HIVEP3: variants seen among roughly 807,000 people sequenced by gnomAD.
The protein encoded by HIVEP3 is transcription factor HIVEP3.
In HIVEP3, 49 loss-of-function variants were observed where a neutral mutation model predicts 152.8. The observed-to-expected ratio is 0.32, with a 90% CI of 0.26 to 0.41. The LOEUF is 0.41. Among genes scored for constraint, HIVEP3 ranks in the 10% least tolerant of loss-of-function variants. HIVEP3 has a pLI of 1.00. For missense variants in HIVEP3, 2,790 were observed against 3,103.3 expected (o/e 0.90, Z 2.40); for synonymous variants, 1,269 against 1,289.0 (o/e 0.98, Z 0.33).
At chr1:41,714,049 C>T (rs1298299337) in intron 1 of HIVEP3, among the ~76,000 whole-genome samples, 1 of 152,226 alleles carries the variant, frequency 6.6e-6, no homozygotes, top group Non-Finnish European at 1.5e-5. Flanking sequence ...CTGCCCAGGG[C>T]TGCTCAGCAG....
chr1:41,826,495 C>T (rs189388683), intron 1 of HIVEP3, among the ~76,000 whole-genome samples: 2,502 of 152,272 alleles, frequency 0.016, 38 homozygotes, highest in Non-Finnish European at 0.021. Context: ...CTCACTGCAA[C>T]CTCTGCCTCC....
intron 2 of HIVEP3, among the ~76,000 whole-genome samples, chr1:41,682,435 C>CA (rs1646054220): frequency 1.3e-5 from 2 of 152,296 alleles, no homozygotes; most frequent in South Asian, 4.1e-4. Context: ...GGCCCAGCCC[C>CA]AAGCAGGCTC....
At chr1:41,751,514 G>C (rs1057047587) in intron 1 of HIVEP3, among the ~76,000 whole-genome samples, 1 of 151,960 alleles carries the variant, frequency 6.6e-6, no homozygotes, top group Non-Finnish European at 1.5e-5. Context: ...AAAAACCCCA[G>C]GAGGATGTGG....
chr1:41,514,519 C>T (rs113308924), intron 7 of HIVEP3, among the ~76,000 whole-genome samples: 2 of 152,162 alleles, frequency 1.3e-5, no homozygotes, highest in African/African-American at 4.8e-5. Context: ...CCTCTGTGGG[C>T]GGCTTGACTA....
chr1:41,550,017 T>G (rs1165465236), intron 5 of HIVEP3, among the ~76,000 whole-genome samples: 6 of 152,346 alleles, frequency 3.9e-5, no homozygotes, highest in South Asian at 2.1e-4. Context: ...AGTCTAACAT[T>G]TAAGTCTTTA....
chr1:41,577,579 A>T (rs924942965), intron 4 of HIVEP3, among the ~76,000 whole-genome samples: 8 of 152,240 alleles, frequency 5.3e-5, no homozygotes, highest in African/African-American at 1.4e-4. Flanking sequence ...TTATACGTGG[A>T]AGAAAAGATC....
At chr1:41,972,370 T>C (rs576843889) in intron 1 of HIVEP3, among the ~76,000 whole-genome samples, 1 of 152,330 alleles carries the variant, frequency 6.6e-6, no homozygotes, top group African/African-American at 2.4e-5. Flanking sequence ...AGGAGCCAAC[T>C]GGGCCTATAG....
chr1:41,625,574 G>A lies in HIVEP3; in HGVS notation c.-522+3175C>T, dbSNP rs544710752. Among the ~76,000 whole-genome samples the A allele has an allele frequency of 2.0e-3, 310 of 152,122 alleles. 2 individuals carry two copies. Among genetic ancestry groups the A allele is most frequent in the Non-Finnish European group, 3.4e-3 (228 of 68,002 alleles). ...CGTTCATAATAAATAATAAATAAAT[G>A]TCAAAAACTAGACAGCCAGGTGTGG... On this transcript the variant is annotated intron_variant, in intron 3 of 8. Transcript: ENST00000372583.
chr1:41,862,729 T>C (rs886978429), intron 1 of HIVEP3, among the ~76,000 whole-genome samples: 3 of 152,088 alleles, frequency 2.0e-5, no homozygotes, highest in Non-Finnish European at 4.4e-5. Context: ...CAGCTTGTTG[T>C]GAAAAGAGAA....
intron 1 of HIVEP3, among the ~76,000 whole-genome samples, chr1:41,762,541 T>C (rs1246539842): frequency 6.6e-6 from 1 of 152,134 alleles, no homozygotes; most frequent in Non-Finnish European, 1.5e-5. Context: ...GGCATCCCCG[T>C]TTGGGTGCCA....
intron 1 of HIVEP3, among the ~76,000 whole-genome samples, chr1:41,723,110 C>A (rs951699342): frequency 1.3e-5 from 2 of 151,524 alleles, no homozygotes; most frequent in Non-Finnish European, 2.9e-5. Context: ...CTAGAAAGAT[C>A]CCCCTGGTGC....
intron 1 of HIVEP3, among the ~76,000 whole-genome samples, chr1:41,964,240 G>A (rs1294290540): frequency 6.6e-6 from 1 of 152,176 alleles, no homozygotes; most frequent in East Asian, 1.9e-4. Flanking sequence ...GGACTGACTA[G>A]GCAGTTGATG....
At chr1:41,973,851 C>T (rs7550137) in intron 1 of HIVEP3, among the ~76,000 whole-genome samples, 1,644 of 152,244 alleles carry the variant, frequency 0.011, 30 homozygotes, top group African/African-American at 0.038. Flanking sequence ...GAAAGGATGG[C>T]GTCACCAGCA....
chr1:41,840,850 G>C (rs1177474361), intron 1 of HIVEP3, among the ~76,000 whole-genome samples: 2 of 152,184 alleles, frequency 1.3e-5, no homozygotes, highest in Non-Finnish European at 2.9e-5. Context: ...GACTCAAGTA[G>C]AGCACTCAAA....
In HIVEP3 at chr1:41,545,500, C is replaced by G. The variant is rs1643751624; in HGVS notation, c.5208-20590G>C. The stretch of plus-strand genomic sequence containing the variant: ...ACCACTACCACCAGCATCACCACCA[C>G]TACCACCATCGCTACCATCACCACC... On this transcript the variant is annotated intron_variant, in intron 5 of 8. Coordinates refer to ENST00000372583, the MANE Select transcript of HIVEP3 (RefSeq NM_024503.5). 2.1e-5 allele frequency among the ~76,000 whole-genome samples: 3 copies of G among 145,670 alleles called. No homozygotes were observed. In the South Asian group the frequency reaches 6.8e-4, roughly 33 times the overall value.
intron 7 of HIVEP3, among the ~76,000 whole-genome samples, chr1:41,517,532 G>A (rs1217953110): frequency 6.6e-6 from 1 of 151,906 alleles, no homozygotes; most frequent in African/African-American, 2.4e-5. Flanking sequence ...AACAAAAACA[G>A]AACAAGACAC....
chr1:41,518,580 C>T (rs1642674280), intron 6 of HIVEP3, 92 bp from the exon 7 acceptor site: 1 of 1,221,024 alleles, frequency 8.2e-7, no homozygotes. Flanking sequence ...GCCGGCAGGC[C>T]ATGGTTTCTC....
intron 1 of HIVEP3, among the ~76,000 whole-genome samples, chr1:41,849,343 T>G (rs1461542095): frequency 6.6e-6 from 1 of 152,206 alleles, no homozygotes; most frequent in Non-Finnish European, 1.5e-5. Flanking sequence ...AGTTTCATAC[T>G]TTAAAAATGT....
intron 1 of HIVEP3, among the ~76,000 whole-genome samples, chr1:42,032,563 C>A (rs550592060): frequency 1.3e-5 from 2 of 152,148 alleles, no homozygotes; most frequent in African/African-American, 4.8e-5. Context: ...GGGGGCTATG[C>A]GTTCAAAACT....
Sources: gnomAD v4.1 joint callset for allele counts (sites outside exome capture counted in the v4.1 genomes callset) on GRCh38, gnomAD v4.1.1 for gene constraint, MANE v1.5 for transcripts, NCBI Gene and HGNC (gene_info 2026-07-23, HGNC 2026-07-21) for gene names.